Variants in PID1 observed in about 807,000 individuals in gnomAD.
PID1 encodes the protein PTB-containing, cubilin and LRP1-interacting protein.
PID1 carries 10 observed loss-of-function variants against 19.1 expected under a neutral mutation model. That is an observed-to-expected ratio of 0.52 (90% CI 0.32 to 0.89). PID1 has a LOEUF of 0.89. Among genes scored for constraint, PID1 ranks in the 40% least tolerant of loss-of-function variants. The pLI is 0.03. For missense variants in PID1, 248 were observed against 285.3 expected (o/e 0.87, Z 0.94); for synonymous variants, 130 against 116.0 (o/e 1.12, Z -0.78).
intron 2 of PID1, among the ~76,000 whole-genome samples, chr2:229,112,489 A>G (rs913397604): frequency 3.3e-5 from 5 of 151,960 alleles, no homozygotes; most frequent in African/African-American, 1.2e-4. Context: ...TTATTTATTT[A>G]TTTATTTATT....
In PID1 at chr2:229,271,099, G is replaced by C. The variant is rs964992243; in HGVS notation, c.-56C>G. The C allele has an allele frequency of 1.3e-6, 2 of 1,527,620 alleles. No individual in the cohort carries two copies. Among genetic ancestry groups the C allele is most frequent in the African/African-American group, 1.4e-5 (1 of 72,132 alleles). The allele number at this position is 1,527,620 out of a possible 1,614,324, so 94.6% of individuals were successfully genotyped here. A position where few individuals can be genotyped will look rare whatever the true frequency, so the allele number is the denominator to read the frequency against. ...GCTGGCGAGACTGTCGATCGCGCCG[G>C]GGGGCGAGGGGCTGGGGTCCCGCTT... On this transcript the variant is annotated 5_prime_UTR_variant, in exon 1 of 3. Coordinates refer to ENST00000392055, the MANE Select transcript of PID1 (RefSeq NM_001100818.2).
At chr2:229,204,975 C>A (rs967542358) in intron 1 of PID1, among the ~76,000 whole-genome samples, 2 of 152,072 alleles carry the variant, frequency 1.3e-5, no homozygotes, top group Admixed American at 6.6e-5. Flanking sequence ...GTTATTAAGA[C>A]CTTTTGGATG....
At chr2:229,032,754 T>C (rs1350872697) in intron 2 of PID1, among the ~76,000 whole-genome samples, 2 of 152,186 alleles carry the variant, frequency 1.3e-5, no homozygotes, top group Non-Finnish European at 2.9e-5. Flanking sequence ...AAATGAACAC[T>C]TTCCCCATGT....
At chr2:229,065,702 T>C (rs1192562516) in intron 2 of PID1, among the ~76,000 whole-genome samples, 1 of 93,562 alleles carries the variant, frequency 1.1e-5, no homozygotes, top group Non-Finnish European at 1.9e-5. Context: ...AATGGGTCTT[T>C]TGTGATTTAC....
At chr2:229,247,450 T>C (rs1374738374) in intron 1 of PID1, among the ~76,000 whole-genome samples, 2 of 152,246 alleles carry the variant, frequency 1.3e-5, no homozygotes, top group Non-Finnish European at 2.9e-5. Flanking sequence ...TCCCTGCTTA[T>C]GTCCCACCAA....
At chr2:229,232,762 T>A (rs1692238546) in intron 1 of PID1, among the ~76,000 whole-genome samples, 1 of 141,278 alleles carries the variant, frequency 7.1e-6, no homozygotes, top group African/African-American at 2.6e-5. Context: ...TGACCAAAAA[T>A]GAATATATAT....
chr2:229,217,902 A>G (rs1691882693), intron 1 of PID1, among the ~76,000 whole-genome samples: 1 of 152,220 alleles, frequency 6.6e-6, no homozygotes, highest in Admixed American at 6.5e-5. Context: ...TTTCTAACAC[A>G]TATTTCATTC....
chr2:229,119,390 T>C (rs1695473572), intron 2 of PID1, among the ~76,000 whole-genome samples: 2 of 152,240 alleles, frequency 1.3e-5, no homozygotes, highest in Admixed American at 6.5e-5. Flanking sequence ...CCAGTAACAA[T>C]GGACAATGCC....
intron 2 of PID1, among the ~76,000 whole-genome samples, chr2:229,145,694 A>G (rs1399750899): frequency 1.3e-5 from 2 of 152,172 alleles, no homozygotes; most frequent in Admixed American, 6.6e-5. Context: ...AAAAGTATCT[A>G]TTCACTGTCC....
chr2:229,125,671 CAAATA>C (rs1216954357), intron 2 of PID1, among the ~76,000 whole-genome samples: 6 of 152,176 alleles, frequency 3.9e-5, no homozygotes, highest in African/African-American at 1.4e-4. Context: ...CACATTCATA[CAAATA>C]AAATAAAAGA....
chr2:229,182,822 G>T (rs1270014296), intron 1 of PID1, among the ~76,000 whole-genome samples: 1 of 152,196 alleles, frequency 6.6e-6, no homozygotes, highest in Non-Finnish European at 1.5e-5. Flanking sequence ...GACCAAGCTG[G>T]CTGTTAACGT....
chr2:229,243,344 G>A (rs1195686512), intron 1 of PID1, among the ~76,000 whole-genome samples: 3 of 152,102 alleles, frequency 2.0e-5, no homozygotes, highest in Non-Finnish European at 4.4e-5. Flanking sequence ...GGTGGGGACA[G>A]AGCCAAACCA....
intron 2 of PID1, among the ~76,000 whole-genome samples, chr2:229,093,326 G>A (rs143743130): frequency 2.3e-4 from 35 of 151,980 alleles, no homozygotes; most frequent in Non-Finnish European, 4.0e-4. Flanking sequence ...GTTTCACCAC[G>A]TTGTCCAGGC....
At chr2:229,033,196 G>C (rs538200561) in intron 2 of PID1, among the ~76,000 whole-genome samples, 25 of 152,260 alleles carry the variant, frequency 1.6e-4, no homozygotes, top group African/African-American at 5.5e-4. Context: ...GGATCAAAAG[G>C]GTAACGTCAA....
At chr2:229,187,494 AC>A (rs879931282) in intron 1 of PID1, among the ~76,000 whole-genome samples, 1 of 151,796 alleles carries the variant, frequency 6.6e-6, no homozygotes, top group Non-Finnish European at 1.5e-5. Context: ...TGTGCAGGAA[AC>A]CCCCCCCTTA....
intron 1 of PID1, among the ~76,000 whole-genome samples, chr2:229,194,289 C>T (rs1227609486): frequency 6.6e-6 from 1 of 151,920 alleles, no homozygotes; most frequent in Non-Finnish European, 1.5e-5. Flanking sequence ...TATCTCAATC[C>T]TTATGAATTT....
At chr2:229,122,957 ACT>A (rs1695552581) in intron 2 of PID1, among the ~76,000 whole-genome samples, 1 of 152,182 alleles carries the variant, frequency 6.6e-6, no homozygotes, top group Non-Finnish European at 1.5e-5. Flanking sequence ...ATGTTTCGGT[ACT>A]GGAGCTGAGT....
intron 1 of PID1, among the ~76,000 whole-genome samples, chr2:229,247,384 C>T (rs958570163): frequency 1.3e-5 from 2 of 152,172 alleles, no homozygotes; most frequent in Admixed American, 6.5e-5. Flanking sequence ...CATTTATATT[C>T]CTGCCAGATT....
At chr2:229,141,570 C>A (rs1690012094) in intron 2 of PID1, among the ~76,000 whole-genome samples, 1 of 151,994 alleles carries the variant, frequency 6.6e-6, no homozygotes, top group Non-Finnish European at 1.5e-5. Context: ...TAGGTGGAAA[C>A]ATGAGAATTC....
Sources: gnomAD v4.1 joint callset for allele counts (sites outside exome capture counted in the v4.1 genomes callset) on GRCh38, gnomAD v4.1.1 for gene constraint, MANE v1.5 for transcripts, NCBI Gene and HGNC (gene_info 2026-07-23, HGNC 2026-07-21) for gene names.